The following CEP112 variants were observed in gnomAD, a reference collection of about 807,000 sequenced individuals.
The protein encoded by CEP112 is centrosomal protein 112.
A neutral mutation model predicts 153.0 loss-of-function variants in CEP112; 127 were observed. The ratio of observed to expected loss-of-function variants is 0.83; its 90% CI spans 0.72 to 0.96. The LOEUF (loss-of-function observed/expected upper bound fraction) is 0.96. Ranked by LOEUF, CEP112 falls within the 40% of genes least tolerant of loss-of-function variation. CEP112 has a pLI of 0.00. For synonymous variants in CEP112, 358 were observed against 374.4 expected (o/e 0.96, Z 0.51); for missense variants, 1,089 against 1,101.2 (o/e 0.99, Z 0.16).
At chr17:66,085,587 T>C (rs1165494299) in intron 8 of CEP112, among the ~76,000 whole-genome samples, 1 of 152,158 alleles carries the variant, frequency 6.6e-6, no homozygotes, top group Non-Finnish European at 1.5e-5. Flanking sequence ...TCATAAAACA[T>C]GATGTATCAG....
chr17:66,085,554 C>T (rs1284106757), intron 8 of CEP112, among the ~76,000 whole-genome samples: 1 of 152,130 alleles, frequency 6.6e-6, no homozygotes, highest in African/African-American at 2.4e-5. Flanking sequence ...AAACAGCCTA[C>T]ATGCATCAAT....
intron 20 of CEP112, among the ~76,000 whole-genome samples, chr17:65,874,479 A>G (rs1282293443): frequency 6.6e-6 from 1 of 152,136 alleles, no homozygotes; most frequent in East Asian, 1.9e-4. Flanking sequence ...TCAATACAAA[A>G]GAAATCCAAA....
intron 21 of CEP112, among the ~76,000 whole-genome samples, chr17:65,777,028 C>T (rs1598550402): frequency 6.6e-6 from 1 of 152,276 alleles, no homozygotes; most frequent in Non-Finnish European, 1.5e-5. Flanking sequence ...GGTTGGGCAT[C>T]TGCTGTCCAG....
intron 16 of CEP112, among the ~76,000 whole-genome samples, chr17:66,006,718 T>G (rs550243473): frequency 6.6e-6 from 1 of 152,220 alleles, no homozygotes; most frequent in African/African-American, 2.4e-5. Flanking sequence ...TTGGTACAGC[T>G]GGATGAAAAG....
chr17:65,942,875 T>C (rs117549777), intron 18 of CEP112, among the ~76,000 whole-genome samples: 5,562 of 152,286 alleles, frequency 0.037, 152 homozygotes, highest in South Asian at 0.11. Flanking sequence ...GTTATTATAC[T>C]CTAAGTAATT....
chr17:65,665,014 G>C (rs951662224), intron 24 of CEP112, among the ~76,000 whole-genome samples: 1 of 152,104 alleles, frequency 6.6e-6, no homozygotes, highest in African/African-American at 2.4e-5. Flanking sequence ...CTTTTTGTAA[G>C]GGCAATAATC....
At chr17:65,821,591 G>A (rs1195722585) in intron 21 of CEP112, among the ~76,000 whole-genome samples, 8 of 112,894 alleles carry the variant, frequency 7.1e-5, no homozygotes, top group Admixed American at 1.2e-4. Flanking sequence ...TTGCTCTGTC[G>A]CCCAGGCTGG....
At chr17:65,756,982 TA>T (rs1484897938) in intron 21 of CEP112, among the ~76,000 whole-genome samples, 1 of 152,118 alleles carries the variant, frequency 6.6e-6, no homozygotes, top group East Asian at 1.9e-4. Flanking sequence ...GTGAGGTAAT[TA>T]AGGCAAAATG....
chr17:65,679,305 G>T (rs1156467925), intron 24 of CEP112, among the ~76,000 whole-genome samples: 1 of 151,408 alleles, frequency 6.6e-6, no homozygotes, highest in Non-Finnish European at 1.5e-5. Flanking sequence ...GTATTTTGTT[G>T]GCATGGGAAC....
Position 66,065,975 on chromosome 17 carries a change from T to A in CEP112, c.955+803A>T, listed in dbSNP as rs2067103460. On this transcript the variant is annotated intron_variant, in intron 10 of 26. Coordinates refer to ENST00000535342, the MANE Select transcript of CEP112 (RefSeq NM_001199165.4). ...TGGGGTATCCATTCTAGCTAAATAGTTGAGAAGTACCCTTCCTACAACTTA... is the reference window on the plus strand; with the variant it reads ...TGGGGTATCCATTCTAGCTAAATAGATGAGAAGTACCCTTCCTACAACTTA... 2.0e-5 allele frequency among the ~76,000 whole-genome samples: 3 copies of A among 152,160 alleles called. No individual in the cohort carries two copies. In the South Asian group the frequency reaches 6.2e-4, roughly 32 times the overall value.
intron 21 of CEP112, among the ~76,000 whole-genome samples, chr17:65,803,345 T>C (rs1231650273): frequency 2.0e-5 from 3 of 152,224 alleles, no homozygotes; most frequent in Admixed American, 1.3e-4. Flanking sequence ...GATTTTGTTA[T>C]ACAACATTAG....
At chr17:65,971,616 T>G (rs2062828825) in intron 17 of CEP112, among the ~76,000 whole-genome samples, 1 of 151,828 alleles carries the variant, frequency 6.6e-6, no homozygotes, top group Non-Finnish European at 1.5e-5. Flanking sequence ...GCATATTATA[T>G]GTATATCCCA....
intron 24 of CEP112, among the ~76,000 whole-genome samples, chr17:65,681,916 G>A (rs1427443446): frequency 6.6e-6 from 1 of 151,898 alleles, no homozygotes; most frequent in Non-Finnish European, 1.5e-5. Context: ...CTGGGCTCAA[G>A]CAGCCTGCTT....
chr17:65,902,001 G>GT, intron 20 of CEP112, 151 bp downstream of exon 20: 1 of 284,260 alleles, frequency 3.5e-6, no homozygotes, highest in East Asian at 4.9e-5. Context: ...GGGGGGGGTG[G>GT]GGGGGAGAAA....
chr17:65,711,877 G>T (rs554761053), intron 23 of CEP112, among the ~76,000 whole-genome samples: 3 of 152,162 alleles, frequency 2.0e-5, no homozygotes, highest in East Asian at 1.9e-4. Context: ...ACAACCACAC[G>T]ACTGAACACA....
intron 16 of CEP112, among the ~76,000 whole-genome samples, chr17:66,014,186 G>A (rs1454047688): frequency 1.3e-5 from 2 of 152,184 alleles, no homozygotes; most frequent in Non-Finnish European, 2.9e-5. Flanking sequence ...AGCAGCATGG[G>A]GGAGGCTGCA....
At chr17:66,151,075 C>G (rs1398970771) in intron 4 of CEP112, among the ~76,000 whole-genome samples, 1 of 152,038 alleles carries the variant, frequency 6.6e-6, no homozygotes, top group Admixed American at 6.6e-5. Flanking sequence ...AGCTATTTAT[C>G]TTTGTATTTA....
At position 66,099,589 on chromosome 17, in the gene CEP112, C is replaced by T. The variant is rs187291587; in HGVS notation, c.643-2957G>A. Among the ~76,000 whole-genome samples, 335 of 151,618 alleles carry T rather than the reference C, an allele frequency of 2.2e-3. 1 individual carries two copies. Among genetic ancestry groups the T allele is most frequent in the African/African-American group, 7.8e-3 (323 of 41,418 alleles). On this transcript the variant is annotated intron_variant, in intron 6 of 26. Transcript: ENST00000535342. ...ACCATTTGTTAAAGAAGTTAAACTT[C>T]AGTGTAGCAGAGGAGGAGGGCTGTC...
rs927129896 is a variant in CEP112, at chr17:66,085,754, G to A, written c.768+10497C>T. Among the ~76,000 whole-genome samples, 5 of 152,048 alleles carry A rather than the reference G, an allele frequency of 3.3e-5. No individual in the cohort carries two copies. In the East Asian group the frequency reaches 7.7e-4, roughly 24 times the overall value. ...AGCACTTTGGGAGGCCGAGGCAGGC[G>A]GATCACGAGGTCAGGAGTTTGAGAC... On this transcript the variant is annotated intron_variant, in intron 8 of 26. Transcript: ENST00000535342.
Sources: allele counts gnomAD v4.1 joint callset (sites outside exome capture counted in the v4.1 genomes callset), GRCh38; gene constraint gnomAD v4.1.1; transcripts MANE v1.5; gene names NCBI Gene and HGNC (gene_info 2026-07-23, HGNC 2026-07-21).